Variants in CAVIN4 observed in about 807,000 individuals in gnomAD.
CAVIN4 encodes caveolae associated protein 4, also known as caveolae-associated protein 4.
CAVIN4 carries 10 observed loss-of-function variants against 18.6 expected under a neutral mutation model. The observed-to-expected ratio is 0.54, with a 90% confidence interval of 0.33 to 0.91. CAVIN4 has a LOEUF of 0.91. CAVIN4 is among the 40% of genes least tolerant of loss of function. The pLI, the probability that CAVIN4 is intolerant of heterozygous loss-of-function variation, is 0.02. For synonymous variants in CAVIN4, 173 were observed against 164.8 expected (o/e 1.05, Z -0.38); for missense variants, 459 against 440.5 (o/e 1.04, Z -0.38).
intron 1 of CAVIN4, among the ~76,000 whole-genome samples, chr9:100,580,819 A>G (rs1182909398): frequency 6.6e-6 from 1 of 152,240 alleles, no homozygotes; most frequent in Non-Finnish European, 1.5e-5. Context: ...ATCATTTATA[A>G]TGGAACAGCT....
intron 1 of CAVIN4, chr9:100,581,049 T>G (rs1587866610): frequency 6.6e-6 from 1 of 152,370 alleles, no homozygotes; most frequent in Admixed American, 6.5e-5. Context: ...CTGCTATTTC[T>G]TATACATTTA....
intron 1 of CAVIN4, among the ~76,000 whole-genome samples, chr9:100,579,331 C>G (rs185138405): frequency 5.3e-5 from 8 of 152,200 alleles, no homozygotes; most frequent in Admixed American, 5.2e-4. Flanking sequence ...TTTCAAAACT[C>G]TTACAGTTAA....
At chr9:100,580,850 A>C (rs1431191872) in intron 1 of CAVIN4, among the ~76,000 whole-genome samples, 1 of 152,240 alleles carries the variant, frequency 6.6e-6, no homozygotes, top group African/African-American at 2.4e-5. Flanking sequence ...AGAATAATGG[A>C]CATAGAACTC....
chr9:100,577,444 C>G (rs1192411028), upstream of CAVIN4: 1 of 152,420 alleles, frequency 6.6e-6, no homozygotes, highest in African/African-American at 2.4e-5. Context: ...CAAATTTGTC[C>G]TGTAGTAATA....
chr9:100,578,822 A>G (rs958590419), intron 1 of CAVIN4, among the ~76,000 whole-genome samples: 2 of 152,206 alleles, frequency 1.3e-5, no homozygotes, highest in African/African-American at 4.8e-5. Context: ...GAAACTTAAT[A>G]TTGGTAAGGC....
At position 100,586,201 on chromosome 9, in the gene CAVIN4, T is replaced by C; in HGVS notation, c.845T>C (p.Val282Ala). The C allele has an allele frequency of 6.4e-7, 1 of 1,556,594 alleles. No homozygotes were observed. The highest frequency in any genetic ancestry group is 8.7e-7 in the Non-Finnish European group (1 of 1,154,378). Residue 282 changes from valine (V) to alanine (A), a missense_variant, in exon 2 of 2, where the codon GTG (valine) becomes GCG (alanine). By Grantham distance (64) the Val-to-Ala change is moderately conservative (BLOSUM62 0). Transcript: ENST00000307584. Reference protein sequence around the residue: ...RSLRKGKDRTVAEGEECAREM... With the variant: ...RSLRKGKDRTAAEGEECAREM... ...CTCAGGAAAGGTAAGGACCGAACAG[T>C]GGCTGAAGGTGAGGAATGTGCCAGG...
chr9:100,586,231 T>C lies in CAVIN4; in HGVS notation c.875T>C (p.Met292Thr). 1 of 1,567,016 alleles carries C rather than the reference T, an allele frequency of 6.4e-7. No individual in the cohort carries two copies. Among genetic ancestry groups the C allele is most frequent in the Non-Finnish European group, 8.6e-7 (1 of 1,157,448 alleles). The change falls in exon 2 of 2, where the codon ATG becomes ACG. Residue 292 changes from methionine (M) to threonine (T), a missense_variant. Coordinates refer to ENST00000307584, the MANE Select transcript of CAVIN4 (RefSeq NM_001018116.2). The part of the protein sequence containing the change: ...VAEGEECARE[M>T]GVDIIARSES... ...GAAGGTGAGGAATGTGCCAGGGAGATGGGTGTGGACATCATTGCCAGGAGC... is the reference window on the plus strand; with the variant it reads ...GAAGGTGAGGAATGTGCCAGGGAGACGGGTGTGGACATCATTGCCAGGAGC...
Position 100,578,151 on chromosome 9 carries a change from ATAAT to A in CAVIN4, c.9_12del (p.His3GlnfsTer31). On this transcript the variant is annotated frameshift_variant, in exon 1 of 2. Transcript: ENST00000307584. LOFTEE classifies it high-confidence loss of function. ...CGCTGAGAAATAAATAAAATGGAAC[ATAAT>A]GGGTCTGCTTCAAATGCTGATAAAA... is the stretch of plus-strand genomic sequence containing the variant. 1 of 1,613,932 alleles carries A rather than the reference ATAAT, an allele frequency of 6.2e-7. No homozygotes were observed. Among genetic ancestry groups the A allele is most frequent in the South Asian group, 1.1e-5 (1 of 91,028 alleles).
Position 100,586,309 on chromosome 9 carries a change from A to T in CAVIN4, c.953A>T (p.Glu318Val). 6.2e-7 allele frequency: 1 copy of T among 1,613,722 alleles called. No individual in the cohort carries two copies. Among genetic ancestry groups the T allele is most frequent in the Non-Finnish European group, 8.5e-7 (1 of 1,179,818 alleles). ...TACTCTGATGAGCTCAGTGAACCAG[A>T]ACACGAGGCAGCCAGGCCGGTGTAT... ...ELYSDELSEPEHEAARPVYPP... is the reference protein window; with the variant it reads ...ELYSDELSEPVHEAARPVYPP... Residue 318 changes from glutamate (E) to valine (V), a missense_variant, in exon 2 of 2, where the codon GAA (glutamate) becomes GTA (valine). Transcript: ENST00000307584.
At position 100,587,902 on chromosome 9, in the gene CAVIN4, AAAAAG is replaced by A. The variant is rs1839500537; in HGVS notation, c.*1460_*1464del. The A allele has an allele frequency of 8.1e-6, 1 of 122,926 alleles. No individual in the cohort carries two copies. Among genetic ancestry groups the A allele is most frequent in the African/African-American group, 2.7e-5 (1 of 36,698 alleles). The allele number at this position is 122,926 out of a possible 1,614,324, so 7.6% of individuals were successfully genotyped here. A position where few individuals can be genotyped will look rare whatever the true frequency, so the allele number is the denominator to read the frequency against. The stretch of plus-strand genomic sequence containing the variant: ...CAGACTCTGTTTCAAAAAAAAAGAA[AAAAAG>A]AAAAGAAAGAAATGGTAGTACTGAT... On this transcript the variant is annotated 3_prime_UTR_variant, in exon 2 of 2. Coordinates refer to ENST00000307584, the MANE Select transcript of CAVIN4 (RefSeq NM_001018116.2).
intron 1 of CAVIN4, among the ~76,000 whole-genome samples, chr9:100,583,771 C>T (rs764629005): frequency 1.2e-4 from 19 of 152,200 alleles, no homozygotes; most frequent in Non-Finnish European, 2.2e-4. Flanking sequence ...CTCAGCCTCC[C>T]GAGTAGATGG....
upstream of CAVIN4, chr9:100,577,319 GT>G (rs1839369828): frequency 6.6e-6 from 1 of 152,526 alleles, no homozygotes; most frequent in South Asian, 2.1e-4. Flanking sequence ...TAAAGAAAAT[GT>G]TTGTTTTAAC....
chr9:100,580,243 A>G (rs1268310801), intron 1 of CAVIN4, among the ~76,000 whole-genome samples: 2 of 152,134 alleles, frequency 1.3e-5, no homozygotes, highest in South Asian at 2.1e-4. Context: ...ACAGTGAGCC[A>G]TGATTGTGCC....
intron 1 of CAVIN4, 48 bp downstream of exon 1, chr9:100,578,599 T>A (rs1167970539): frequency 6.3e-7 from 1 of 1,581,656 alleles, no homozygotes; most frequent in East Asian, 2.2e-5. Flanking sequence ...CTCTTGCATC[T>A]TTTAATTGCC....
At position 100,586,008 on chromosome 9, in the gene CAVIN4, G is replaced by T. The variant is rs1426763076; in HGVS notation, c.652G>T (p.Val218Leu). ...GACACGGCAGAATCTTGACAAGAAA[G>T]TGAACAGAATTAGAACTAGAATAGT... ...QKTRQNLDKK[V>L]NRIRTRIVTP... is the part of the protein sequence containing the mutation. The change falls in exon 2 of 2, where the codon GTG becomes TTG. Residue 218 changes from valine to leucine, a missense_variant. By Grantham distance (32) the Val-to-Leu change is conservative. Transcript: ENST00000307584. The T allele has an allele frequency of 3.1e-6, 5 of 1,614,056 alleles. No homozygotes were observed. Among genetic ancestry groups the T allele is most frequent in the Admixed American group, 1.7e-5 (1 of 59,990 alleles).
In CAVIN4 at chr9:100,578,429, G is replaced by C. The variant is rs376668265; in HGVS notation, c.286G>C (p.Val96Leu). Reference protein sequence around the residue: ...INKLFEKTRKVSAHIKDVKAR... With the variant: ...INKLFEKTRKLSAHIKDVKAR... Reference sequence around the variant, plus strand: ...CAAATTGTTTGAGAAAACCCGAAAAGTTAGTGCTCACATTAAAGATGTGAA... The same window carrying C: ...CAAATTGTTTGAGAAAACCCGAAAACTTAGTGCTCACATTAAAGATGTGAA... Residue 96 changes from valine (V) to leucine (L), a missense_variant, in exon 1 of 2, where the codon GTT (valine) becomes CTT (leucine). Val to Leu is a conservative substitution (Grantham distance 32, BLOSUM62 1). Transcript: ENST00000307584. 1.2e-6 allele frequency: 2 copies of C among 1,614,118 alleles called. No individual in the cohort carries two copies. The highest frequency in any genetic ancestry group is 1.1e-5 in the South Asian group (1 of 91,084).
chr9:100,582,913 A>G (rs947127754), intron 1 of CAVIN4, among the ~76,000 whole-genome samples: 3 of 152,158 alleles, frequency 2.0e-5, no homozygotes, highest in Non-Finnish European at 4.4e-5. Context: ...TTTTATCCCA[A>G]CTTAGTGTGA....
In CAVIN4 at chr9:100,578,161, T is replaced by C; in HGVS notation, c.18T>C (p.Ser6=). The change falls in exon 1 of 2, where the codon TCT becomes TCC. Residue 6 remains serine, a synonymous_variant. Transcript: ENST00000307584. ...TAAATAAAATGGAACATAATGGGTC[T>C]GCTTCAAATGCTGATAAAATCCACC... MEHNG[S]ASNADKIHQN... is the part of the protein sequence containing the mutation. 6.2e-7 allele frequency: 1 copy of C among 1,613,966 alleles called. No homozygotes were observed.
At chr9:100,576,890 A>G (rs1839363015), upstream of CAVIN4, 1 of 243,228 alleles carries the variant, frequency 4.1e-6, no homozygotes, top group Non-Finnish European at 8.0e-6. Context: ...TACTTCACAA[A>G]TGGTTATAAA....
Sources: gnomAD v4.1 joint callset for allele counts (sites outside exome capture counted in the v4.1 genomes callset) on GRCh38, gnomAD v4.1.1 for gene constraint, MANE v1.5 for transcripts, NCBI Gene and HGNC (gene_info 2026-07-23, HGNC 2026-07-21) for gene names.